BMPR1B: variants seen among roughly 807,000 people sequenced by gnomAD.
The protein encoded by BMPR1B is bone morphogenetic protein receptor type 1B, also known as bone morphogenetic protein receptor type-1B.
BMPR1B carries 12 observed loss-of-function variants against 59.1 expected under a neutral mutation model. The observed-to-expected ratio is 0.20, with a 90% CI of 0.13 to 0.33. BMPR1B has a LOEUF of 0.33. BMPR1B is among the 10% of genes least tolerant of loss of function. The pLI, the probability that BMPR1B is intolerant of heterozygous loss-of-function variation, is 1.00. For synonymous variants in BMPR1B, 237 were observed against 207.3 expected, an observed-to-expected ratio of 1.14 and a Z score of -1.23; for missense variants, 550 against 610.9, an observed-to-expected ratio of 0.90 and a Z score of 1.05.
chr4:94,900,710 T>C (rs1032535240), intron 2 of BMPR1B, among the ~76,000 whole-genome samples: 1 of 152,038 alleles, frequency 6.6e-6, no homozygotes, highest in Non-Finnish European at 1.5e-5. Flanking sequence ...TAGTAAGCAA[T>C]TTGATTACTT....
At chr4:94,864,202 A>G (rs1726112648) in intron 1 of BMPR1B, among the ~76,000 whole-genome samples, 1 of 152,186 alleles carries the variant, frequency 6.6e-6, no homozygotes. Context: ...AGCTTCGACC[A>G]GTATAATTAC....
intron 3 of BMPR1B, among the ~76,000 whole-genome samples, chr4:95,077,856 A>G (rs1199100512): frequency 1.3e-5 from 2 of 152,224 alleles, no homozygotes; most frequent in African/African-American, 2.4e-5. Flanking sequence ...AATATAGAAT[A>G]TTGTTTAAAA....
intron 2 of BMPR1B, among the ~76,000 whole-genome samples, chr4:94,992,318 C>T (rs1003301975): frequency 5.9e-5 from 9 of 152,116 alleles, no homozygotes; most frequent in Admixed American, 2.6e-4. Flanking sequence ...ACAGCAAATC[C>T]GTCCTGAGTT....
At chr4:94,758,280 G>A (rs1374913181) in intron 1 of BMPR1B, among the ~76,000 whole-genome samples, 6 of 150,992 alleles carry the variant, frequency 4.0e-5, no homozygotes, top group African/African-American at 1.5e-4. Context: ...CCGTGGGGCG[G>A]TGGCGGCGGC....
chr4:94,855,064 T>G (rs1462785275), intron 1 of BMPR1B, among the ~76,000 whole-genome samples: 1 of 152,138 alleles, frequency 6.6e-6, no homozygotes, highest in Non-Finnish European at 1.5e-5. Flanking sequence ...GTAAACAAAT[T>G]ATCAGTTCTA....
intron 2 of BMPR1B, among the ~76,000 whole-genome samples, chr4:94,916,813 G>A (rs898924862): frequency 4.6e-5 from 7 of 152,210 alleles, no homozygotes; most frequent in African/African-American, 1.7e-4. Flanking sequence ...TGGGGAAAAG[G>A]CCTCTAAGGC....
At chr4:94,805,773 A>C (rs1487612773) in intron 1 of BMPR1B, among the ~76,000 whole-genome samples, 2 of 152,182 alleles carry the variant, frequency 1.3e-5, no homozygotes, top group Non-Finnish European at 2.9e-5. Context: ...TTTAACCTAC[A>C]AAGACTGGGA....
chr4:94,794,336 T>C (rs913113018), intron 1 of BMPR1B, among the ~76,000 whole-genome samples: 9 of 151,734 alleles, frequency 5.9e-5, no homozygotes, highest in African/African-American at 1.7e-4. Flanking sequence ...TGCAGATATG[T>C]GGCGTTATTT....
chr4:94,765,631 T>C (rs1419526852), intron 1 of BMPR1B, among the ~76,000 whole-genome samples: 2 of 152,212 alleles, frequency 1.3e-5, no homozygotes, highest in Non-Finnish European at 2.9e-5. Context: ...GTTTAATAAT[T>C]ACATTCTAGA....
chr4:94,865,387 G>GGTT (rs1309027174), intron 1 of BMPR1B, among the ~76,000 whole-genome samples: 1 of 148,222 alleles, frequency 6.7e-6, no homozygotes, highest in African/African-American at 2.6e-5. Flanking sequence ...GTTCATGCTG[G>GGTT]GTTTTTTTTT....
At chr4:95,098,655 T>C (rs1379533340) in intron 3 of BMPR1B, among the ~76,000 whole-genome samples, 1 of 152,102 alleles carries the variant, frequency 6.6e-6, no homozygotes, top group East Asian at 1.9e-4. Flanking sequence ...CTCCCCAGGT[T>C]CATTCTGCTG....
intron 2 of BMPR1B, among the ~76,000 whole-genome samples, chr4:94,879,589 C>CGAGA (rs1472506394): frequency 7.2e-5 from 11 of 151,940 alleles, no homozygotes; most frequent in Non-Finnish European, 1.5e-5. Flanking sequence ...GATGACAGAG[C>CGAGA]GAGACCCTGT....
At chr4:95,063,289 T>C (rs2149208075) in intron 3 of BMPR1B, among the ~76,000 whole-genome samples, 1 of 152,302 alleles carries the variant, frequency 6.6e-6, no homozygotes, top group African/African-American at 2.4e-5. Context: ...TAGGTTTTAA[T>C]ATGTGCATGT....
intron 1 of BMPR1B, among the ~76,000 whole-genome samples, chr4:94,857,887 GA>G (rs1435813672): frequency 6.6e-6 from 1 of 152,116 alleles, no homozygotes; most frequent in East Asian, 1.9e-4. Flanking sequence ...ATATATTTTT[GA>G]AAAACATATG....
intron 3 of BMPR1B, chr4:95,103,357 A>T (rs1730961235): frequency 1.3e-6 from 1 of 788,384 alleles, no homozygotes; most frequent in South Asian, 5.8e-5. Flanking sequence ...CAATTTTTTA[A>T]CCCAGCAATT....
intron 2 of BMPR1B, among the ~76,000 whole-genome samples, chr4:94,938,180 T>G (rs1729388723): frequency 1.3e-5 from 2 of 152,156 alleles, no homozygotes; most frequent in Non-Finnish European, 2.9e-5. Flanking sequence ...CCACTCTTCA[T>G]AGTCCTCTTA....
intron 3 of BMPR1B, chr4:95,103,306 A>G (rs1730959268): frequency 1.3e-5 from 3 of 229,614 alleles, no homozygotes; most frequent in Non-Finnish European, 1.4e-5. Context: ...TTAAAAATAT[A>G]ACAAATATGT....
chr4:95,105,156 C>T (rs1208849208), intron 4 of BMPR1B, among the ~76,000 whole-genome samples: 3 of 152,040 alleles, frequency 2.0e-5, no homozygotes, highest in African/African-American at 7.2e-5. Context: ...TTGCCTTTTT[C>T]TTCCTTAAAT....
At chr4:94,964,836 G>A (rs779472712) in intron 2 of BMPR1B, among the ~76,000 whole-genome samples, 10 of 152,102 alleles carry the variant, frequency 6.6e-5, no homozygotes, top group East Asian at 1.9e-4. Context: ...TGTCTTAAAC[G>A]CTTTCAGTGT....
Sources: allele counts gnomAD v4.1 joint callset (sites outside exome capture counted in the v4.1 genomes callset), GRCh38; gene constraint gnomAD v4.1.1; transcripts MANE v1.5; gene names NCBI Gene and HGNC (gene_info 2026-07-23, HGNC 2026-07-21).